NAA35: variants seen among roughly 807,000 people sequenced by gnomAD.
NAA35 encodes N-alpha-acetyltransferase 35, NatC auxiliary subunit, also known as MAK10 homolog, amino-acid N-acetyltransferase subunit.
A neutral mutation model predicts 101.7 loss-of-function variants in NAA35; 18 were observed. The observed-to-expected ratio is 0.18, with a 90% CI of 0.12 to 0.26. The LOEUF (loss-of-function observed/expected upper bound fraction) is 0.26, where lower values mean the gene tolerates loss of function less well. NAA35 is among the 10% of genes least tolerant of loss of function. NAA35 has a pLI of 1.00. For synonymous variants in NAA35, 267 were observed against 273.1 expected, an observed-to-expected ratio of 0.98 and a Z score of 0.22; for missense variants, 601 against 886.8, an observed-to-expected ratio of 0.68 and a Z score of 4.09.
intron 15 of NAA35, among the ~76,000 whole-genome samples, chr9:86,011,625 C>G (rs985068905): frequency 6.6e-6 from 1 of 151,378 alleles, no homozygotes; most frequent in Non-Finnish European, 1.5e-5. Context: ...TCCCAAAGTG[C>G]TGGGACTTAC....
chr9:86,003,547 C>A, intron 12 of NAA35, 38 bp from the exon 13 acceptor site: 1 of 1,256,844 alleles, frequency 8.0e-7, no homozygotes, highest in Non-Finnish European at 1.1e-6. Context: ...TTTATTTAAT[C>A]TATTAATGAC....
intron 11 of NAA35, among the ~76,000 whole-genome samples, chr9:85,982,870 CAGA>C (rs1830490043): frequency 6.6e-6 from 1 of 152,106 alleles, no homozygotes; most frequent in East Asian, 1.9e-4. Context: ...AGCTGGAAAA[CAGA>C]AGGACATTGA....
chr9:85,996,676 G>A, intron 12 of NAA35, 99 bp downstream of exon 12: 5 of 861,922 alleles, frequency 5.8e-6, no homozygotes, highest in Non-Finnish European at 8.7e-6. Flanking sequence ...TTTAACAACA[G>A]AATAATTGAT....
chr9:86,009,862 C>T lies in NAA35; in HGVS notation c.1224-3C>T. 1 of 1,608,234 alleles carries T rather than the reference C, an allele frequency of 6.2e-7. No homozygotes were observed. Among genetic ancestry groups the T allele is most frequent in the Non-Finnish European group, 8.5e-7 (1 of 1,175,468 alleles). ...TTTTAATGATGTGACTGTTATCTTGCAGGTGCTACCTATATAATAATCACC... is the reference window on the plus strand; with the variant it reads ...TTTTAATGATGTGACTGTTATCTTGTAGGTGCTACCTATATAATAATCACC... On this transcript the variant is annotated splice_polypyrimidine_tract_variant and splice_region_variant and intron_variant, in intron 14 of 22. Coordinates refer to ENST00000361671, the MANE Select transcript of NAA35 (RefSeq NM_024635.4).
intron 13 of NAA35, among the ~76,000 whole-genome samples, chr9:86,006,000 A>G (rs1031349868): frequency 9.2e-5 from 14 of 151,884 alleles, no homozygotes; most frequent in African/African-American, 2.7e-4. Context: ...GTGAAACCCC[A>G]TCTGTACTAA....
At position 86,007,433 on chromosome 9, in the gene NAA35, T is replaced by G. The variant is rs756626893; in HGVS notation, c.1192T>G (p.Ser398Ala). 16 of 1,613,666 alleles carry G rather than the reference T, an allele frequency of 9.9e-6. No homozygotes were observed. In the Admixed American group the frequency reaches 1.2e-4, roughly 12 times the overall value. The change falls in exon 14 of 23, where the codon TCT (serine) becomes GCT (alanine). Residue 398 changes from serine (S) to alanine (A), a missense_variant. By Grantham distance (99) the Ser-to-Ala change is moderately conservative. This residue lies in a region of NAA35 where 190 missense variants were observed against 223.1 expected (regional missense o/e 0.85). Coordinates refer to ENST00000361671, the MANE Select transcript of NAA35 (RefSeq NM_024635.4). Reference sequence around the variant, plus strand: ...AGACATGGTGAAAGATGCACTTCGGTCTTTTGTCAGTCCTCCGGTGCTTTC... The same window carrying G: ...AGACATGGTGAAAGATGCACTTCGGGCTTTTGTCAGTCCTCCGGTGCTTTC... ...MQDMVKDALR[S>A]FVSPPVLSPK... is the part of the protein sequence containing the mutation.
intron 2 of NAA35, among the ~76,000 whole-genome samples, chr9:85,955,416 G>A (rs1354349863): frequency 1.5e-5 from 2 of 134,970 alleles, no homozygotes; most frequent in African/African-American, 5.6e-5. Context: ...AGGCTGGAGT[G>A]CAGTGGCGTG....
intron 11 of NAA35, among the ~76,000 whole-genome samples, chr9:85,984,339 A>G (rs2118128546): frequency 6.6e-6 from 1 of 152,268 alleles, no homozygotes; most frequent in East Asian, 1.9e-4. Context: ...TTTAAAACAA[A>G]CAAACAAACA....
intron 2 of NAA35, among the ~76,000 whole-genome samples, chr9:85,955,350 ATATATATATATTTTTT>A (rs1276696931): frequency 1.6e-5 from 1 of 61,884 alleles, no homozygotes; most frequent in African/African-American, 1.1e-4. Flanking sequence ...ATATATATAT[ATATATATATATTTTTT>A]TTTTTTTTTT....
chr9:85,994,289 C>G (rs1831064321), intron 11 of NAA35, among the ~76,000 whole-genome samples: 1 of 152,174 alleles, frequency 6.6e-6, no homozygotes, highest in Non-Finnish European at 1.5e-5. Flanking sequence ...AACTGGAACT[C>G]TACCCCTTAA....
intron 13 of NAA35, among the ~76,000 whole-genome samples, chr9:86,004,495 G>A (rs141620172): frequency 8.6e-5 from 13 of 151,742 alleles, no homozygotes; most frequent in African/African-American, 1.9e-4. Flanking sequence ...AAAAGTCTAC[G>A]GTTAGTAATT....
intron 12 of NAA35, among the ~76,000 whole-genome samples, chr9:86,001,561 G>A (rs555430071): frequency 2.1e-3 from 325 of 152,178 alleles, no homozygotes; most frequent in African/African-American, 7.3e-3. Flanking sequence ...AGGAATCTGG[G>A]TGCATATATA....
At chr9:85,960,293 G>C (rs1248485949) in intron 5 of NAA35, among the ~76,000 whole-genome samples, 1 of 151,970 alleles carries the variant, frequency 6.6e-6, no homozygotes, top group African/African-American at 2.4e-5. Context: ...TTTTTTTAGT[G>C]ATTTGTATAT....
chr9:85,946,786 C>G (rs779561588), intron 2 of NAA35, among the ~76,000 whole-genome samples: 14 of 151,790 alleles, frequency 9.2e-5, no homozygotes, highest in Non-Finnish European at 1.9e-4. Flanking sequence ...ATTGGACATG[C>G]CTGGCTTTGT....
At chr9:85,986,118 T>G (rs905357724) in intron 11 of NAA35, among the ~76,000 whole-genome samples, 3 of 152,182 alleles carry the variant, frequency 2.0e-5, no homozygotes, top group African/African-American at 7.2e-5. Context: ...GGAAAATGTC[T>G]CGAAGATACA....
chr9:85,956,684 T>C (rs906164979), intron 3 of NAA35, among the ~76,000 whole-genome samples: 41 of 152,212 alleles, frequency 2.7e-4, no homozygotes, highest in Non-Finnish European at 7.3e-5. Flanking sequence ...GTATGTCATA[T>C]GTGATAGGTT....
chr9:85,941,339 C>T, intron 1 of NAA35, 66 bp downstream of exon 1: 1 of 985,580 alleles, frequency 1.0e-6, no homozygotes, highest in Non-Finnish European at 1.2e-6. Context: ...CGCAGCCCCC[C>T]GCGCGTGTGG....
intron 14 of NAA35, among the ~76,000 whole-genome samples, chr9:86,008,271 C>T (rs1831737514): frequency 6.6e-6 from 1 of 152,172 alleles, no homozygotes; most frequent in Non-Finnish European, 1.5e-5. Flanking sequence ...CTATGTTGGC[C>T]AGGCTGGTCT....
intron 22 of NAA35, 25 bp from the exon 23 acceptor site, chr9:86,021,876 A>G: frequency 6.3e-7 from 1 of 1,575,836 alleles, no homozygotes; most frequent in Non-Finnish European, 8.7e-7. Flanking sequence ...AGATACATTA[A>G]TTGAGTTTCG....
Sources: allele counts gnomAD v4.1 joint callset (sites outside exome capture counted in the v4.1 genomes callset), GRCh38; gene constraint gnomAD v4.1.1; regional missense constraint gnomAD v4.1.1; transcripts MANE v1.5; gene names NCBI Gene and HGNC (gene_info 2026-07-23, HGNC 2026-07-21).